Variants in AGGF1 observed in about 807,000 individuals in gnomAD.
AGGF1 encodes angiogenic factor with G-patch and FHA domains 1.
AGGF1 carries 56 observed loss-of-function variants against 86.5 expected under a neutral mutation model. The observed-to-expected ratio is 0.65, with a 90% CI of 0.52 to 0.81. The LOEUF is 0.81. Among genes scored for constraint, AGGF1 ranks in the 30% least tolerant of loss-of-function variants. The pLI is 0.00. For synonymous variants in AGGF1, 313 were observed against 297.1 expected (o/e 1.05, Z -0.55); for missense variants, 816 against 850.9 (o/e 0.96, Z 0.51).
At chr5:77,058,364 A>G (rs1485403935) in intron 11 of AGGF1, among the ~76,000 whole-genome samples, 3 of 152,184 alleles carry the variant, frequency 2.0e-5, no homozygotes, top group Non-Finnish European at 4.4e-5. Context: ...TCTTAAGTAT[A>G]TTTGTGCTAA....
intron 6 of AGGF1, among the ~76,000 whole-genome samples, chr5:77,047,418 C>T (rs150482521): frequency 1.3e-5 from 2 of 152,274 alleles, no homozygotes; most frequent in Admixed American, 1.3e-4. Context: ...TAGATTTTGG[C>T]ATATGAGGAG....
In AGGF1 at chr5:77,042,624, G is replaced by A. The variant is rs1171543787; in HGVS notation, c.870+2905G>A. On this transcript the variant is annotated intron_variant, in intron 5 of 13. Coordinates refer to ENST00000312916, the MANE Select transcript of AGGF1 (RefSeq NM_018046.5). ...TCCCTCCCGGACGTGGCGGCTGGCCGGGCGGGGGGCTGACCCCCCCACCTC... is the reference window on the plus strand; with the variant it reads ...TCCCTCCCGGACGTGGCGGCTGGCCAGGCGGGGGGCTGACCCCCCCACCTC... Among the ~76,000 whole-genome samples the A allele has an allele frequency of 1.4e-4, 7 of 51,140 alleles. 1 individual carries two copies. Among genetic ancestry groups the A allele is most frequent in the Admixed American group, 5.7e-4 (3 of 5,298 alleles). 33.5% of individuals were successfully genotyped at this position (51,140 alleles called of 152,430 possible).
intron 5 of AGGF1, among the ~76,000 whole-genome samples, chr5:77,041,566 C>CA (rs1232718165): frequency 0.33 from 23,124 of 69,872 alleles, 2,989 homozygotes; most frequent in East Asian, 0.42. Flanking sequence ...GACTCCATCT[C>CA]AAAAAAAAAA....
intron 8 of AGGF1, 57 bp from the exon 9 acceptor site, chr5:77,052,649 T>C (rs989592676): frequency 2.4e-6 from 3 of 1,233,638 alleles, no homozygotes; most frequent in African/African-American, 3.0e-5. Context: ...CATACAGAAA[T>C]TGTCCATAGT....
chr5:77,037,085 T>G (rs573640388), intron 4 of AGGF1, among the ~76,000 whole-genome samples: 1 of 152,328 alleles, frequency 6.6e-6, no homozygotes, highest in African/African-American at 2.4e-5. Flanking sequence ...TCAAAACTAT[T>G]TGACAGAAGA....
chr5:77,055,298 T>C (rs1200440941), intron 10 of AGGF1, among the ~76,000 whole-genome samples: 2 of 152,196 alleles, frequency 1.3e-5, no homozygotes, highest in African/African-American at 4.8e-5. Context: ...ATTCCTATTA[T>C]CTGTGGTTTT....
chr5:77,031,868 C>T (rs552349181), intron 1 of AGGF1, among the ~76,000 whole-genome samples: 3 of 152,246 alleles, frequency 2.0e-5, no homozygotes, highest in African/African-American at 4.8e-5. Flanking sequence ...CGTGCCACTG[C>T]ACTCCAGCCA....
chr5:77,037,112 T>G (rs1266961918), intron 4 of AGGF1, among the ~76,000 whole-genome samples: 1 of 152,244 alleles, frequency 6.6e-6, no homozygotes, highest in African/African-American at 2.4e-5. Flanking sequence ...AAATAGCTTA[T>G]GATGCTACAC....
intron 5 of AGGF1, among the ~76,000 whole-genome samples, chr5:77,046,107 A>G (rs1330849947): frequency 6.6e-6 from 1 of 152,188 alleles, no homozygotes; most frequent in Admixed American, 6.5e-5. Flanking sequence ...TCGTAATTTT[A>G]TATATGGTTA....
chr5:77,062,534 GT>G (rs1441185136), intron 13 of AGGF1, among the ~76,000 whole-genome samples: 2 of 152,146 alleles, frequency 1.3e-5, no homozygotes, highest in Admixed American at 6.6e-5. Flanking sequence ...CTTTTTCAGG[GT>G]TGTCTTGAAG....
Position 77,063,240 on chromosome 5 carries a change from G to T in AGGF1, c.2133G>T (p.Gly711=), listed in dbSNP as rs1000065307. ...CAGGGACCATGCCTTGGGTAAAAGG[G>T]ACTTTAGAGTGAAGGCTAATCATAG... is the stretch of plus-strand genomic sequence containing the variant. ...DDPGTMPWVK[G]TLE is the part of the protein sequence containing the mutation. Residue 711 remains glycine (G), a synonymous_variant, in exon 14 of 14, where the codon GGG becomes GGT. Transcript: ENST00000312916. The T allele has an allele frequency of 3.7e-6, 6 of 1,613,316 alleles. No homozygotes were observed. Among genetic ancestry groups the T allele is most frequent in the Non-Finnish European group, 5.1e-6 (6 of 1,179,700 alleles).
At chr5:77,031,011 G>T in intron 1 of AGGF1, 35 bp downstream of exon 1, 1 of 1,608,470 alleles carries the variant, frequency 6.2e-7, no homozygotes, top group South Asian at 1.1e-5. Context: ...GCCCCATCCA[G>T]CCCAGGCGAG....
chr5:77,052,750 C>T lies in AGGF1; in HGVS notation c.1410C>T (p.Val470=), dbSNP rs150104046. The T allele has an allele frequency of 4.3e-6, 7 of 1,613,614 alleles. No individual in the cohort carries two copies. The African/African-American group carries it at 9.3e-5, about 22-fold the overall frequency. Residue 470 remains valine (V), a synonymous_variant, in exon 9 of 14, where the codon GTC becomes GTT. Transcript: ENST00000312916. ...TTGACCATGACTTACAAAGTTATGTCCTTGTGGATCAAGGCAGTCAAAATG... is the reference window on the plus strand; with the variant it reads ...TTGACCATGACTTACAAAGTTATGTTCTTGTGGATCAAGGCAGTCAAAATG... The part of the protein sequence containing the change: ...IYFDHDLQSY[V]LVDQGSQNGT...
At chr5:77,059,232 A>G (rs1199068830) in intron 11 of AGGF1, among the ~76,000 whole-genome samples, 2 of 152,214 alleles carry the variant, frequency 1.3e-5, no homozygotes, top group African/African-American at 4.8e-5. Context: ...TCACCATGTC[A>G]TCTTCTTATG....
Position 77,054,085 on chromosome 5 carries a change from C to T in AGGF1, c.1588C>T (p.Gln530Ter). 1.9e-6 allele frequency: 3 copies of T among 1,614,146 alleles called. No homozygotes were observed. The highest frequency in any genetic ancestry group is 2.5e-6 in the Non-Finnish European group (3 of 1,180,018). The change falls in exon 10 of 14, where the codon CAG (glutamine) becomes TAG (stop). Residue 530 changes from glutamine to a stop codon, truncating the protein, a stop_gained. Transcript: ENST00000312916. LOFTEE classifies it high-confidence loss of function. ...TACCTGTGATGGCTGTGAACCAGGG[C>T]AGGTTAGAGCCCACCTTCGCCTTGA... ...SDTCDGCEPG[Q>*]VRAHLRLDKK...
chr5:77,054,137 G>A lies in AGGF1; in HGVS notation c.1633+7G>A. The A allele has an allele frequency of 6.2e-7, 1 of 1,614,096 alleles. No homozygotes were observed. The highest frequency in any genetic ancestry group is 8.5e-7 in the Non-Finnish European group (1 of 1,179,992). ...AAGAAAGATGAATCTTTTGGTATGT[G>A]AAACAGATTAAATGTGGCTGTGATA... On this transcript the variant is annotated splice_region_variant and intron_variant, in intron 10 of 13. Transcript: ENST00000312916.
rs1267190972 is a variant in AGGF1, at chr5:77,042,805, C to CG, written c.870+3091dup. On this transcript the variant is annotated intron_variant, in intron 5 of 13. Coordinates refer to ENST00000312916, the MANE Select transcript of AGGF1 (RefSeq NM_018046.5). ...CTCCCGGACGGGGCGGCTGGCCGGG[C>CG]GGGGGCTGACCCCCCCACCTCCCTC... Among the ~76,000 whole-genome samples the CG allele has an allele frequency of 8.2e-3, 120 of 14,584 alleles. 22 individuals carry two copies. The highest frequency in any genetic ancestry group is 0.031 in the East Asian group (14 of 454). 9.6% of individuals were successfully genotyped at this position (14,584 alleles called of 152,430 possible).
chr5:77,044,584 C>G (rs987418643), intron 5 of AGGF1, among the ~76,000 whole-genome samples: 1 of 152,068 alleles, frequency 6.6e-6, no homozygotes, highest in Non-Finnish European at 1.5e-5. Context: ...ATAGCTTTCC[C>G]TGCATATGTT....
intron 8 of AGGF1, among the ~76,000 whole-genome samples, chr5:77,051,647 G>A (rs1450961631): frequency 6.6e-6 from 1 of 152,210 alleles, no homozygotes; most frequent in South Asian, 2.1e-4. Context: ...ATGTAGTAAA[G>A]TTGAAGATTT....
Sources: gnomAD v4.1 joint callset for allele counts (sites outside exome capture counted in the v4.1 genomes callset) on GRCh38, gnomAD v4.1.1 for gene constraint, MANE v1.5 for transcripts, NCBI Gene and HGNC (gene_info 2026-07-23, HGNC 2026-07-21) for gene names.